EPB41L1: variants seen among roughly 807,000 people sequenced by gnomAD.
The protein encoded by EPB41L1 is erythrocyte membrane protein band 4.1 like 1, also known as band 4.1-like protein 1.
EPB41L1 carries 29 observed loss-of-function variants against 97.8 expected under a neutral mutation model. The ratio of observed to expected loss-of-function variants is 0.30; its 90% CI spans 0.22 to 0.40. The LOEUF (loss-of-function observed/expected upper bound fraction) is 0.40. Ranked by LOEUF, EPB41L1 falls within the 10% of genes least tolerant of loss-of-function variation. The pLI is 1.00. For missense variants in EPB41L1, 812 were observed against 1,162.3 expected, an observed-to-expected ratio of 0.70 and a Z score of 4.38; for synonymous variants, 383 against 459.2, an observed-to-expected ratio of 0.83 and a Z score of 2.12.
Position 36,209,304 on chromosome 20 carries a change from T to A in EPB41L1, c.1669-184T>A, listed in dbSNP as rs935337743. On this transcript the variant is annotated intron_variant, in intron 14 of 21. Coordinates refer to ENST00000338074, the MANE Select transcript of EPB41L1 (RefSeq NM_012156.2). The surrounding 1 kb of genome is among the most constrained non-coding windows in gnomAD (Gnocchi z 4.2). Reference sequence around the variant, plus strand: ...ATCTCCACTCTTGAGTCGTTTTTGTTTTTTTTATGCTTGTTATGATTTCAA... The same window carrying A: ...ATCTCCACTCTTGAGTCGTTTTTGTATTTTTTATGCTTGTTATGATTTCAA... 1.3e-5 allele frequency among the ~76,000 whole-genome samples: 2 copies of A among 152,158 alleles called. No individual in the cohort carries two copies. The highest frequency in any genetic ancestry group is 4.8e-5 in the African/African-American group (2 of 41,430).
At chr20:36,097,270 C>T (rs2057861909) in intron 1 of EPB41L1, among the ~76,000 whole-genome samples, 1 of 152,210 alleles carries the variant, frequency 6.6e-6, no homozygotes, top group African/African-American at 2.4e-5. Context: ...TGGTTACTAG[C>T]ACTGGCTCTA....
Position 36,138,494 on chromosome 20 carries a change from T to C in EPB41L1, c.-10+26014T>C, listed in dbSNP as rs938078134. 3.3e-5 allele frequency among the ~76,000 whole-genome samples: 5 copies of C among 152,156 alleles called. No homozygotes were observed. In the East Asian group the frequency reaches 9.6e-4, roughly 29 times the overall value. ...GCCAGGCTGGTCTCGACTCCCAGCCTCAGGTGATCTGCCCGCCTCAGCCTC... is the reference window on the plus strand; with the variant it reads ...GCCAGGCTGGTCTCGACTCCCAGCCCCAGGTGATCTGCCCGCCTCAGCCTC... On this transcript the variant is annotated intron_variant, in intron 2 of 19. Coordinates refer to the EPB41L1 transcript ENST00000202028.
chr20:36,216,036 C>T (rs191105283), intron 17 of EPB41L1, among the ~76,000 whole-genome samples: 3 of 152,232 alleles, frequency 2.0e-5, no homozygotes, highest in South Asian at 2.1e-4. Context: ...TGAGGGGGAA[C>T]GAAAGCAATC....
At chr20:36,223,924 T>C (rs2063943235) in intron 21 of EPB41L1, among the ~76,000 whole-genome samples, 1 of 152,200 alleles carries the variant, frequency 6.6e-6, no homozygotes, top group African/African-American at 2.4e-5. Flanking sequence ...ACCCCACAAA[T>C]ATAATTGCTG....
At chr20:36,227,206 A>G (rs112042539) in intron 21 of EPB41L1, among the ~76,000 whole-genome samples, 12 of 152,224 alleles carry the variant, frequency 7.9e-5, no homozygotes, top group African/African-American at 2.9e-4. Context: ...AGTCCCAGCT[A>G]CTTGGGAAGT....
rs143692884 is a variant in EPB41L1, at chr20:36,176,135, G to A, written c.342+420G>A. On this transcript the variant is annotated intron_variant, in intron 3 of 21. Transcript: ENST00000338074. Reference sequence around the variant, plus strand: ...TTCCTAGTGAATGTCCCTGTCCAGGGCACCATCTCAAGTCTCCAGGACAAA... The same window carrying A: ...TTCCTAGTGAATGTCCCTGTCCAGGACACCATCTCAAGTCTCCAGGACAAA... 3.5e-3 allele frequency among the ~76,000 whole-genome samples: 539 copies of A among 152,276 alleles called. 1 individual carries two copies. Among genetic ancestry groups the A allele is most frequent in the African/African-American group, 9.7e-3 (404 of 41,564 alleles).
At chr20:36,155,709 G>C (rs958059178) in intron 1 of EPB41L1, 2 of 447,082 alleles carry the variant, frequency 4.5e-6, no homozygotes, top group African/African-American at 2.0e-5. Flanking sequence ...CTCTCCCTCA[G>C]CTGCCAGCCA....
chr20:36,198,666 G>A (rs190656073), intron 14 of EPB41L1, among the ~76,000 whole-genome samples: 2 of 152,216 alleles, frequency 1.3e-5, no homozygotes. Flanking sequence ...AAGAGATAAA[G>A]TTAGGATTTG....
Position 36,182,408 on chromosome 20 carries a change from C to G in EPB41L1, c.566+61C>G, listed in dbSNP as rs371819817. The G allele has an allele frequency of 2.5e-5, 39 of 1,578,130 alleles. 1 individual carries two copies. In the African/African-American group the frequency reaches 2.7e-4, roughly 11 times the overall value. The stretch of plus-strand genomic sequence containing the variant: ...TGTGTGGGACTATGGATGAGGGACC[C>G]TGGCCCTGGGGACACAGGCAGTATG... On this transcript the variant is annotated intron_variant, in intron 6 of 21. Transcript: ENST00000338074.
At chr20:36,191,586 C>A (rs1172558318) in intron 11 of EPB41L1, among the ~76,000 whole-genome samples, 2 of 152,140 alleles carry the variant, frequency 1.3e-5, no homozygotes. Flanking sequence ...CCAGGATGTA[C>A]ACACTAGAGT....
intron 2 of EPB41L1, among the ~76,000 whole-genome samples, chr20:36,131,389 T>C (rs575481475): frequency 6.6e-6 from 1 of 151,480 alleles, no homozygotes; most frequent in Non-Finnish European, 1.5e-5. Flanking sequence ...AGATTACAGG[T>C]GTGAGCCACC....
rs1435880643 is a variant in EPB41L1, at chr20:36,207,160, T to A, written c.1669-2328T>A. 1 of 1,289,078 alleles carries A rather than the reference T, an allele frequency of 7.8e-7. No homozygotes were observed. Among genetic ancestry groups the A allele is most frequent in the Non-Finnish European group, 1.0e-6 (1 of 988,432 alleles). 79.9% of individuals were successfully genotyped at this position (1,289,078 alleles called of 1,614,324 possible). On this transcript the variant is annotated intron_variant, in intron 14 of 21. Transcript: ENST00000338074. The surrounding 1 kb of genome is among the most constrained non-coding windows in gnomAD (Gnocchi z 4.9). ...TTCTCCAAGCCCAACCTCCCATGGG[T>A]CAGGGGAGCCTTCGGAGCTCAGGGA... is the stretch of plus-strand genomic sequence containing the variant.
chr20:36,176,628 T>C (rs2061243426), intron 3 of EPB41L1, among the ~76,000 whole-genome samples: 1 of 151,166 alleles, frequency 6.6e-6, no homozygotes, highest in African/African-American at 2.4e-5. Context: ...TTTCTTTTTT[T>C]TCTTTTTTTT....
At chr20:36,169,185 A>C (rs2060870373) in intron 1 of EPB41L1, among the ~76,000 whole-genome samples, 2 of 150,916 alleles carry the variant, frequency 1.3e-5, no homozygotes, top group Non-Finnish European at 3.0e-5. Flanking sequence ...TGAGATCGCT[A>C]CACTCTAGTC....
chr20:36,222,613 T>C (rs1569378156), intron 21 of EPB41L1, among the ~76,000 whole-genome samples: 1 of 152,180 alleles, frequency 6.6e-6, no homozygotes, highest in East Asian at 1.9e-4. Context: ...TTGGTTTCTT[T>C]GGGGTTTCAG....
At chr20:36,173,982 T>A in intron 2 of EPB41L1, 28 bp downstream of exon 2, 1 of 1,598,206 alleles carries the variant, frequency 6.3e-7, no homozygotes. Flanking sequence ...TGGGCGTACC[T>A]TTCCTGCCCA....
At position 36,175,609 on chromosome 20, in the gene EPB41L1, C is replaced by T. The variant is rs762619496; in HGVS notation, c.236C>T (p.Thr79Met). 3.1e-6 allele frequency: 5 copies of T among 1,614,068 alleles called. No homozygotes were observed. The highest frequency in any genetic ancestry group is 2.2e-5 in the South Asian group (2 of 91,084). The part of the protein sequence containing the change: ...SEADGLSERT[T>M]PSKAQKSPQK... ...GCCGATGGCCTTTCGGAGAGGACCA[C>T]GCCCAGCAAGGCCCAGAAATCGCCC... Residue 79 changes from threonine to methionine, a missense_variant, in exon 3 of 22, where the codon ACG (threonine) becomes ATG (methionine). This residue lies in a region of EPB41L1 where 230 missense variants were observed against 445.2 expected (regional missense o/e 0.52). Coordinates refer to ENST00000338074, the MANE Select transcript of EPB41L1 (RefSeq NM_012156.2).
Position 36,200,812 on chromosome 20 carries a change from T to A in EPB41L1, c.1668+2771T>A, listed in dbSNP as rs1480339340. 3 of 449,408 alleles carry A rather than the reference T, an allele frequency of 6.7e-6. No homozygotes were observed. The East Asian group carries it at 2.1e-4, about 31-fold the overall frequency. The allele number at this position is 449,408 out of a possible 1,614,324, so 27.8% of individuals were successfully genotyped here. The stretch of plus-strand genomic sequence containing the variant: ...TTTTCTCTTTCCCTCTCTTCCTGTC[T>A]CTGTCTCTCCTTCCCTTCCTCCCTC... On this transcript the variant is annotated intron_variant, in intron 14 of 21. Coordinates refer to ENST00000338074, the MANE Select transcript of EPB41L1 (RefSeq NM_012156.2).
Position 36,214,422 on chromosome 20 carries a change from G to T in EPB41L1, c.2250G>T (p.Glu750Asp). ...CAACCACTCCCTCCATCACCACGGAGACCATATCGACCACCATGGTAAGTT... is the reference window on the plus strand; with the variant it reads ...CAACCACTCCCTCCATCACCACGGATACCATATCGACCACCATGGTAAGTT... Reference protein sequence around the residue: ...FIATTPSITTETISTTMENSL... With the variant: ...FIATTPSITTDTISTTMENSL... Residue 750 changes from glutamate to aspartate, a missense_variant, in exon 17 of 22, where the codon GAG becomes GAT. Around this residue, in one of 3 missense-constraint regions of EPB41L1, gnomAD observed 498 missense variants for 622.7 expected, o/e 0.80. Coordinates refer to ENST00000338074, the MANE Select transcript of EPB41L1 (RefSeq NM_012156.2). 1 of 1,613,284 alleles carries T rather than the reference G, an allele frequency of 6.2e-7. No homozygotes were observed. Among genetic ancestry groups the T allele is most frequent in the Non-Finnish European group, 8.5e-7 (1 of 1,179,850 alleles).
Sources: allele counts gnomAD v4.1 joint callset (sites outside exome capture counted in the v4.1 genomes callset), GRCh38; gene constraint gnomAD v4.1.1; regional missense constraint gnomAD v4.1.1; non-coding constraint Gnocchi (gnomAD v3.1); transcripts MANE v1.5; gene names NCBI Gene and HGNC (gene_info 2026-07-23, HGNC 2026-07-21).